CRB2: variants seen among roughly 807,000 people sequenced by gnomAD.
The protein encoded by CRB2 is protein crumbs homolog 2.
A neutral mutation model predicts 110.9 loss-of-function variants in CRB2; 85 were observed. The observed-to-expected ratio is 0.77, with a 90% CI of 0.64 to 0.92. The LOEUF is 0.92. Ranked by LOEUF, CRB2 falls within the 40% of genes least tolerant of loss-of-function variation. CRB2 has a pLI of 0.00. For missense variants in CRB2, 1,843 were observed against 1,851.3 expected, an observed-to-expected ratio of 1.00 and a Z score of 0.08; for synonymous variants, 907 against 831.0, an observed-to-expected ratio of 1.09 and a Z score of -1.57.
In CRB2 at chr9:123,372,316, G is replaced by A. The variant is rs368104093; in HGVS notation, c.2576G>A (p.Cys859Tyr). Residue 859 changes from cysteine to tyrosine, a missense_variant, in exon 9 of 13, where the codon TGT (cysteine) becomes TAT (tyrosine). Coordinates refer to ENST00000373631, the MANE Select transcript of CRB2 (RefSeq NM_173689.7). ...PGQPCLPPAT[C>Y]EEVPDGFVCV... ...CAGCCCTGTCTCCCACCTGCCACGT[G>A]TGAGGAGGTCCCTGATGGCTTTGTG... The A allele has an allele frequency of 2.5e-6, 4 of 1,606,396 alleles. No homozygotes were observed. The highest frequency in any genetic ancestry group is 3.4e-6 in the Non-Finnish European group (4 of 1,176,034).
At chr9:123,359,904 A>C (rs1433780903) in intron 1 of CRB2, among the ~76,000 whole-genome samples, 2 of 152,068 alleles carry the variant, frequency 1.3e-5, no homozygotes, top group Non-Finnish European at 2.9e-5. Flanking sequence ...TGCTCTGCCC[A>C]GGCTGATATT....
At position 123,378,494 on chromosome 9, in the gene CRB2, G is replaced by C. The variant is rs2130796831; in HGVS notation, c.*1432G>C. The C allele has an allele frequency of 6.6e-6, 1 of 152,416 alleles. No individual in the cohort carries two copies. The highest frequency in any genetic ancestry group is 2.1e-4 in the South Asian group (1 of 4,830). The allele number at this position is 152,416 out of a possible 1,614,324, so 9.4% of individuals were successfully genotyped here. ...ATGTGGGGAGCCACGTGACAACGTG[G>C]GGGACTGGGACATGGGACTGGGAAG... is the stretch of plus-strand genomic sequence containing the variant. On this transcript the variant is annotated 3_prime_UTR_variant, in exon 13 of 13. Coordinates refer to ENST00000373631, the MANE Select transcript of CRB2 (RefSeq NM_173689.7).
chr9:123,361,281 A>G (rs1461854538), intron 1 of CRB2, among the ~76,000 whole-genome samples: 1 of 152,182 alleles, frequency 6.6e-6, no homozygotes, highest in Non-Finnish European at 1.5e-5. Context: ...TGCTGGCCAC[A>G]CCCAGTCCCA....
chr9:123,367,713 A>G (rs1588211002), intron 6 of CRB2, 27 bp downstream of exon 6: 1 of 1,457,972 alleles, frequency 6.9e-7, no homozygotes, highest in Non-Finnish European at 9.4e-7. Context: ...GGGCCCTGGG[A>G]CCATCAGAAT....
Position 123,373,687 on chromosome 9 carries a change from C to G in CRB2, c.3156C>G (p.Leu1052=). Reference sequence around the variant, plus strand: ...GGCCTGGGACGCCGGCCCCGATCCTCGGCTGCCGCGGCGCGCCCGTGTGTG... The same window carrying G: ...GGCCTGGGACGCCGGCCCCGATCCTGGGCTGCCGCGGCGCGCCCGTGTGTG... ...ASWPGTPAPI[L]GCRGAPVCAP... The change falls in exon 10 of 13, where the codon CTC becomes CTG. Residue 1052 remains leucine (L), a synonymous_variant. Transcript: ENST00000373631. The G allele has an allele frequency of 4.7e-6, 7 of 1,474,148 alleles. No individual in the cohort carries two copies. Among genetic ancestry groups the G allele is most frequent in the Non-Finnish European group, 5.3e-6 (6 of 1,123,306 alleles). The allele number at this position is 1,474,148 out of a possible 1,614,324, so 91.3% of individuals were successfully genotyped here.
Position 123,375,342 on chromosome 9 carries a change from C to A in CRB2, c.3632C>A (p.Ala1211Glu). The change falls in exon 12 of 13, where the codon GCG (alanine) becomes GAG (glutamate). Residue 1211 changes from alanine to glutamate, a missense_variant and splice_region_variant. Ala to Glu is a moderately radical substitution (Grantham distance 107, BLOSUM62 -1). Transcript: ENST00000373631. ...TTCTCCGGCCAGTTCTGTGAAGTGG[C>A]GGTGAGTGTTGTCAGGGGTGAGGGG... is the stretch of plus-strand genomic sequence containing the variant. ...ARFSGQFCEV[A>E]KGLPLPLPFP... 1.3e-6 allele frequency: 2 copies of A among 1,585,514 alleles called. No individual in the cohort carries two copies. The highest frequency in any genetic ancestry group is 1.7e-6 in the Non-Finnish European group (2 of 1,163,770).
At chr9:123,371,696 T>C (rs2132782648) in intron 8 of CRB2, 118 bp downstream of exon 8, 1 of 1,372,514 alleles carries the variant, frequency 7.3e-7, no homozygotes, top group East Asian at 2.3e-5. Context: ...GCTCAGGAGG[T>C]GAAGTGACCT....
upstream of CRB2, among the ~76,000 whole-genome samples, chr9:123,355,751 G>T (rs143298737): frequency 6.6e-6 from 1 of 151,038 alleles, no homozygotes; most frequent in African/African-American, 2.4e-5. Context: ...TGGGTGGGAG[G>T]GGCTGCAGCT....
In CRB2 at chr9:123,376,959, G is replaced by T; in HGVS notation, c.3755G>T (p.Arg1252Leu). The T allele has an allele frequency of 6.2e-7, 1 of 1,607,402 alleles. No individual in the cohort carries two copies. The highest frequency in any genetic ancestry group is 8.5e-7 in the Non-Finnish European group (1 of 1,178,028). The change falls in exon 13 of 13, where the codon CGC becomes CTC. Residue 1252 changes from arginine to leucine, a missense_variant. Transcript: ENST00000373631. The stretch of plus-strand genomic sequence containing the variant: ...GGGATCCTGGCAGCCCGAAAGCGCC[G>T]CCAGTCTGAGGGCACCTACAGCCCA... ...LSGILAARKRRQSEGTYSPSQ... is the reference protein window; with the variant it reads ...LSGILAARKRLQSEGTYSPSQ...
chr9:123,356,563 A>G (rs2041801492), intron 1 of CRB2, among the ~76,000 whole-genome samples: 1 of 97,524 alleles, frequency 1.0e-5, no homozygotes, highest in Non-Finnish European at 1.9e-5. Context: ...GGGCTGTTTC[A>G]TGTTGAGGGG....
intron 1 of CRB2, 45 bp from the exon 2 acceptor site, chr9:123,362,820 T>G: frequency 6.6e-7 from 1 of 1,523,984 alleles, no homozygotes; most frequent in Non-Finnish European, 8.9e-7. Flanking sequence ...AGATTGTCCT[T>G]GTAACCTCTG....
chr9:123,367,732 C>T (rs1291189755), intron 6 of CRB2, 46 bp downstream of exon 6: 50 of 1,285,330 alleles, frequency 3.9e-5, no homozygotes, highest in Non-Finnish European at 5.4e-5. Context: ...ATTGGTGGTC[C>T]TCAGGTGAGA....
At chr9:123,356,190 G>C (rs1396458301), upstream of CRB2, 84 of 1,063,808 alleles carry the variant, frequency 7.9e-5, no homozygotes, top group Non-Finnish European at 1.0e-4. Context: ...GGAGGGACGA[G>C]GGGGGTGCGG....
intron 2 of CRB2, 108 bp downstream of exon 2, chr9:123,363,296 C>T: frequency 1.7e-6 from 2 of 1,207,738 alleles, no homozygotes; most frequent in Non-Finnish European, 1.1e-6. Flanking sequence ...GGGACGCCCC[C>T]AGGCATCCGG....
intron 1 of CRB2, among the ~76,000 whole-genome samples, chr9:123,360,067 T>A (rs2132734947): frequency 6.6e-6 from 1 of 152,276 alleles, no homozygotes; most frequent in South Asian, 2.1e-4. Flanking sequence ...CTCTGGGAAA[T>A]CAGGAGCTGA....
Position 123,376,023 on chromosome 9 carries a change from G to A in CRB2, c.3633+680G>A, listed in dbSNP as rs1386501596. Among the ~76,000 whole-genome samples, 3 of 152,080 alleles carry A rather than the reference G, an allele frequency of 2.0e-5. No individual in the cohort carries two copies. The East Asian group carries it at 5.8e-4, about 29-fold the overall frequency. On this transcript the variant is annotated intron_variant, in intron 12 of 12. Transcript: ENST00000373631. ...AAACCACAAATCCCCTCCGCTTACG[G>A]GGAATGTTTCCTTTCAAGTTGAACT...
rs1157132871 is a variant in CRB2 at position 123,377,918 on chromosome 9, G to A, written c.*856G>A. ...GAGGATCAGAGAGGACGACAGTGGG[G>A]AAAGAATCTGGAAGTCTTCAACTGC... On this transcript the variant is annotated 3_prime_UTR_variant, in exon 13 of 13. Transcript: ENST00000373631. The A allele has an allele frequency of 6.6e-6, 1 of 152,312 alleles. No homozygotes were observed. Among genetic ancestry groups the A allele is most frequent in the Non-Finnish European group, 1.5e-5 (1 of 68,080 alleles). The allele number at this position is 152,312 out of a possible 1,614,324, so 9.4% of individuals were successfully genotyped here.
At position 123,376,882 on chromosome 9, in the gene CRB2, CGTACCTGCAGCCT is replaced by C; in HGVS notation, c.3681_3693del (p.Ala1230SerfsTer166). Reference sequence around the variant, plus strand: ...TGCCATTCCCACTGCTGGAGGTGGCCGTACCTGCAGCCTGTGCCTGCCTCCTCCTCCTCCTCCT... The same window carrying C: ...TGCCATTCCCACTGCTGGAGGTGGCCGTGCCTGCCTCCTCCTCCTCCTCCT... On this transcript the variant is annotated frameshift_variant, in exon 13 of 13. Transcript: ENST00000373631. LOFTEE classifies it high-confidence loss of function. 6.2e-7 allele frequency: 1 copy of C among 1,609,960 alleles called. No homozygotes were observed. The highest frequency in any genetic ancestry group is 1.1e-5 in the South Asian group (1 of 90,392).
At chr9:123,376,512 G>C (rs2042105405) in intron 12 of CRB2, among the ~76,000 whole-genome samples, 1 of 152,210 alleles carries the variant, frequency 6.6e-6, no homozygotes. Flanking sequence ...CCCTGCTCCT[G>C]CTCTGCCTCA....
Sources: gnomAD v4.1 joint callset for allele counts (sites outside exome capture counted in the v4.1 genomes callset) on GRCh38, gnomAD v4.1.1 for gene constraint, MANE v1.5 for transcripts, NCBI Gene and HGNC (gene_info 2026-07-23, HGNC 2026-07-21) for gene names.